DENND2B: variants seen among roughly 807,000 people sequenced by gnomAD.
DENND2B encodes DENN domain-containing protein 2B.
In DENND2B, 32 loss-of-function variants were observed where a neutral mutation model predicts 116.0. The observed-to-expected ratio is 0.28, with a 90% CI of 0.21 to 0.37. DENND2B has a LOEUF of 0.37. Among genes scored for constraint, DENND2B ranks in the 10% least tolerant of loss-of-function variants. The pLI is 1.00. For synonymous variants in DENND2B, 588 were observed against 583.9 expected, an observed-to-expected ratio of 1.01 and a Z score of -0.10; for missense variants, 1,276 against 1,477.7, an observed-to-expected ratio of 0.86 and a Z score of 2.24.
At chr11:8,694,575 C>T (rs1391851132) in intron 19 of DENND2B, 2 of 457,354 alleles carry the variant, frequency 4.4e-6, no homozygotes, top group Non-Finnish European at 8.8e-6. Flanking sequence ...TGGGATTCCT[C>T]TTTGTAATGC....
At chr11:8,784,787 G>A (rs886716034) in intron 1 of DENND2B, among the ~76,000 whole-genome samples, 17 of 151,336 alleles carry the variant, frequency 1.1e-4, no homozygotes, top group Non-Finnish European at 1.9e-4. Context: ...GCAGTGAGCC[G>A]AGATTGTGCC....
At chr11:8,804,661 C>T (rs1249121696) in intron 1 of DENND2B, among the ~76,000 whole-genome samples, 1 of 150,378 alleles carries the variant, frequency 6.6e-6, no homozygotes, top group Non-Finnish European at 1.5e-5. Context: ...TCTCCTACCT[C>T]AGCCTCCCGA....
At chr11:8,714,088 AAT>A (rs757351773) in intron 7 of DENND2B, 46 bp from the exon 8 acceptor site, 12 of 1,602,568 alleles carry the variant, frequency 7.5e-6, no homozygotes, top group Non-Finnish European at 1.0e-5. Flanking sequence ...CCTCACAGCC[AAT>A]GTTTTTTGCT....
rs1379714411 is a variant in DENND2B, at chr11:8,702,174, G to A, written c.2720+398C>T. 6.6e-6 allele frequency among the ~76,000 whole-genome samples: 1 copy of A among 152,090 alleles called. No individual in the cohort carries two copies. The highest frequency in any genetic ancestry group is 1.5e-5 in the Non-Finnish European group (1 of 68,022). On this transcript the variant is annotated intron_variant, in intron 14 of 19. Transcript: ENST00000313726. The surrounding 1 kb of genome is among the most constrained non-coding windows in gnomAD (Gnocchi z 4.6). ...GTGCTCTTGCCCCTTCCTCACAGCA[G>A]CTCTTTCCTCAAACTCAGCATCCCA...
intron 1 of DENND2B, among the ~76,000 whole-genome samples, chr11:8,780,250 C>G (rs60812444): frequency 0.04 from 6,127 of 152,270 alleles, 412 homozygotes; most frequent in African/African-American, 0.14. Context: ...GGAGCTTCCA[C>G]TCTGTAGGGT....
chr11:8,781,995 C>T (rs1034730992), intron 1 of DENND2B, among the ~76,000 whole-genome samples: 3 of 152,170 alleles, frequency 2.0e-5, no homozygotes, highest in Non-Finnish European at 4.4e-5. Flanking sequence ...ATAACAACTA[C>T]TATAGAGAAC....
chr11:8,853,690 T>C (rs964152214), intron 3 of DENND2B, among the ~76,000 whole-genome samples: 1 of 152,206 alleles, frequency 6.6e-6, no homozygotes, highest in Non-Finnish European at 1.5e-5. Flanking sequence ...AAAAACAGTA[T>C]ATATAGTATA....
chr11:8,902,343 A>G (rs2064181291), intron 1 of DENND2B, among the ~76,000 whole-genome samples: 2 of 147,138 alleles, frequency 1.4e-5, no homozygotes, highest in African/African-American at 4.9e-5. Context: ...AAAAAAAAAG[A>G]GTGAGGTGTT....
At position 8,858,709 on chromosome 11, in the gene DENND2B, A is replaced by G. The variant is rs1467805639; in HGVS notation, c.-249-1273T>C. ...GAAGAGACTGCAAAGACAGGAGCAG[A>G]GGAGCCAGGACCAGCTGAGGATGGC... On this transcript the variant is annotated intron_variant, in intron 2 of 6. Transcript: ENST00000524757. Among the ~76,000 whole-genome samples, 3 of 152,230 alleles carry G rather than the reference A, an allele frequency of 2.0e-5. No homozygotes were observed. In the East Asian group the frequency reaches 5.8e-4, roughly 29 times the overall value.
chr11:8,706,150 C>T (rs7108849), intron 13 of DENND2B, among the ~76,000 whole-genome samples: 97,264 of 152,026 alleles, frequency 0.64, 31,876 homozygotes, highest in African/African-American at 0.8. Context: ...GAGGCTGAAG[C>T]GGGAGGATCG....
At chr11:8,710,464 T>C (rs945530059) in intron 11 of DENND2B, among the ~76,000 whole-genome samples, 4 of 151,844 alleles carry the variant, frequency 2.6e-5, no homozygotes, top group African/African-American at 7.3e-5. Context: ...CTGATGCATA[T>C]ACACATACTG....
At chr11:8,836,837 TC>T (rs1566035289) in intron 4 of DENND2B, among the ~76,000 whole-genome samples, 1 of 152,134 alleles carries the variant, frequency 6.6e-6, no homozygotes, top group Non-Finnish European at 1.5e-5. Context: ...CACTTCAGCC[TC>T]CCGAGTGGAT....
intron 2 of DENND2B, among the ~76,000 whole-genome samples, chr11:8,736,003 G>A (rs1312034784): frequency 6.6e-6 from 1 of 152,172 alleles, no homozygotes; most frequent in Non-Finnish European, 1.5e-5. Context: ...GGAGACCACG[G>A]CCAAGAGAAG....
At chr11:8,880,686 G>A (rs2063895166) in intron 2 of DENND2B, among the ~76,000 whole-genome samples, 1 of 152,126 alleles carries the variant, frequency 6.6e-6, no homozygotes, top group Non-Finnish European at 1.5e-5. Flanking sequence ...CCTAGAGGTA[G>A]CAAGACTTCG....
At chr11:8,749,582 G>A (rs970738481) in intron 2 of DENND2B, among the ~76,000 whole-genome samples, 2 of 152,176 alleles carry the variant, frequency 1.3e-5, no homozygotes, top group African/African-American at 4.8e-5. Context: ...GCTACATCCC[G>A]TGCACTATTC....
chr11:8,797,659 AC>A (rs2059953218), intron 1 of DENND2B, among the ~76,000 whole-genome samples: 1 of 151,678 alleles, frequency 6.6e-6, no homozygotes, highest in African/African-American at 2.4e-5. Context: ...ATCATAGCTC[AC>A]TGAAGCTTCA....
chr11:8,774,877 A>ATTTTT (rs1565919434), intron 1 of DENND2B, among the ~76,000 whole-genome samples: 111 of 143,778 alleles, frequency 7.7e-4, no homozygotes, highest in African/African-American at 2.7e-3. Flanking sequence ...TTTTTTTTTA[A>ATTTTT]TTATTATTTT....
At chr11:8,881,541 T>G in intron 1 of DENND2B, among the ~76,000 whole-genome samples, 1 of 152,168 alleles carries the variant, frequency 6.6e-6, no homozygotes, top group Admixed American at 6.5e-5. Flanking sequence ...TTGTTCTTTT[T>G]GTTTGTTTGT....
intron 1 of DENND2B, among the ~76,000 whole-genome samples, chr11:8,751,417 C>T (rs897823673): frequency 1.3e-5 from 2 of 152,130 alleles, no homozygotes; most frequent in South Asian, 2.1e-4. Flanking sequence ...GCAACCCACT[C>T]GGGTCCCCTT....
Sources: allele counts gnomAD v4.1 joint callset (sites outside exome capture counted in the v4.1 genomes callset), GRCh38; gene constraint gnomAD v4.1.1; non-coding constraint Gnocchi (gnomAD v3.1); transcripts MANE v1.5; gene names NCBI Gene and HGNC (gene_info 2026-07-23, HGNC 2026-07-21).